The following LPAR3 variants were observed in gnomAD, a reference collection of about 807,000 sequenced individuals.
LPAR3 encodes lysophosphatidic acid receptor 3.
A neutral mutation model predicts 17.8 loss-of-function variants in LPAR3; 7 were observed. That is an observed-to-expected ratio of 0.39 (90% CI 0.22 to 0.74). The LOEUF (loss-of-function observed/expected upper bound fraction) is 0.74, where lower values mean the gene tolerates loss of function less well. Among genes scored for constraint, LPAR3 ranks in the 30% least tolerant of loss-of-function variants. The probability of loss-of-function intolerance (pLI) is 0.40; values close to 1 mark genes in which losing one functional copy is unlikely to be tolerated. For missense variants in LPAR3, 391 were observed against 453.4 expected (o/e 0.86, Z 1.25); for synonymous variants, 179 against 179.9 (o/e 0.99, Z 0.04).
At chr1:84,854,333 C>T (rs1324790333) in intron 2 of LPAR3, among the ~76,000 whole-genome samples, 1 of 152,186 alleles carries the variant, frequency 6.6e-6, no homozygotes, top group East Asian at 1.9e-4. Context: ...TCAAAGAGGC[C>T]TCCATGGACC....
At chr1:84,869,334 A>G (rs1189216133) in intron 1 of LPAR3, among the ~76,000 whole-genome samples, 2 of 152,222 alleles carry the variant, frequency 1.3e-5, no homozygotes, top group African/African-American at 4.8e-5. Context: ...GAGACATCAC[A>G]GAAAAACTAT....
chr1:84,862,440 G>A (rs1659958455), intron 2 of LPAR3, among the ~76,000 whole-genome samples: 1 of 152,228 alleles, frequency 6.6e-6, no homozygotes, highest in Admixed American at 6.5e-5. Context: ...ACAGCTGAGT[G>A]ACTGGACACA....
intron 2 of LPAR3, among the ~76,000 whole-genome samples, chr1:84,830,901 A>G (rs1355526917): frequency 6.6e-6 from 1 of 152,112 alleles, no homozygotes; most frequent in African/African-American, 2.4e-5. Context: ...CACTTTATGG[A>G]TTTACTCAAT....
Position 84,865,923 on chromosome 1 carries a change from G to A in LPAR3, c.198C>T (p.Tyr66=). 3.1e-6 allele frequency: 5 copies of A among 1,614,130 alleles called. No homozygotes were observed. The highest frequency in any genetic ancestry group is 4.2e-6 in the Non-Finnish European group (5 of 1,180,008). ...CAGCAGCTAAATTAGCCAACAGGTAGTAGAAGGGGAAATGAAATTTTCTGT... is the reference window on the plus strand; with the variant it reads ...CAGCAGCTAAATTAGCCAACAGGTAATAGAAGGGGAAATGAAATTTTCTGT... ...IKNRKFHFPF[Y]YLLANLAAAD... Residue 66 remains tyrosine (Y), a synonymous_variant, in exon 2 of 3, where the codon TAC becomes TAT. Transcript: ENST00000370611.
At chr1:84,817,075 T>A (rs1362669678) in intron 2 of LPAR3, among the ~76,000 whole-genome samples, 1 of 152,214 alleles carries the variant, frequency 6.6e-6, no homozygotes, top group African/African-American at 2.4e-5. Flanking sequence ...TATTTGTTAA[T>A]GCTGAGAATT....
At chr1:84,877,896 C>T (rs747413144) in intron 1 of LPAR3, among the ~76,000 whole-genome samples, 2 of 151,830 alleles carry the variant, frequency 1.3e-5, no homozygotes, top group Non-Finnish European at 2.9e-5. Flanking sequence ...AATCTCTGGT[C>T]GATGTGTTAG....
chr1:84,840,200 C>A (rs1659480926), intron 2 of LPAR3, among the ~76,000 whole-genome samples: 2 of 152,202 alleles, frequency 1.3e-5, no homozygotes, highest in Non-Finnish European at 2.9e-5. Context: ...GTTGGAATTA[C>A]ATGTATGAGC....
At chr1:84,818,435 T>C (rs572386992) in intron 2 of LPAR3, among the ~76,000 whole-genome samples, 1 of 152,310 alleles carries the variant, frequency 6.6e-6, no homozygotes, top group African/African-American at 2.4e-5. Flanking sequence ...ACATTAAAAA[T>C]TCACATCTAA....
intron 2 of LPAR3, among the ~76,000 whole-genome samples, chr1:84,853,122 AC>A (rs1328145102): frequency 1.9e-4 from 25 of 133,188 alleles, no homozygotes; most frequent in Admixed American, 5.3e-4. Flanking sequence ...AAAAAAAAAA[AC>A]CAAGAACAAA....
intron 2 of LPAR3, among the ~76,000 whole-genome samples, chr1:84,836,703 G>A (rs557077103): frequency 2.6e-5 from 4 of 152,224 alleles, no homozygotes; most frequent in East Asian, 1.9e-4. Context: ...AAAACAAAAC[G>A]AAATGACAGT....
intron 2 of LPAR3, among the ~76,000 whole-genome samples, chr1:84,856,018 C>A (rs1341126595): frequency 3.3e-5 from 5 of 152,172 alleles, no homozygotes; most frequent in African/African-American, 2.4e-5. Flanking sequence ...TCAGTCCCCA[C>A]GTTCCCCGTC....
chr1:84,834,271 C>A (rs1659351085), intron 2 of LPAR3, among the ~76,000 whole-genome samples: 2 of 152,090 alleles, frequency 1.3e-5, no homozygotes, highest in Admixed American at 1.3e-4. Flanking sequence ...GGCATTTAAT[C>A]AATATTTATT....
At position 84,865,748 on chromosome 1, in the gene LPAR3, C is replaced by T. The variant is rs139292595; in HGVS notation, c.373G>A (p.Val125Met). The T allele has an allele frequency of 1.6e-4, 260 of 1,614,076 alleles. No homozygotes were observed. The highest frequency in any genetic ancestry group is 2.1e-4 in the Non-Finnish European group (243 of 1,180,052). The change falls in exon 2 of 3, where the codon GTG (valine) becomes ATG (methionine). Residue 125 changes from valine to methionine, a missense_variant. Physicochemically the swap from Val to Met is conservative, Grantham distance 21. Transcript: ENST00000370611. ...CTCATGATTGACATGTGCCTCTCCA[C>T]GGCGATAACCAGCAAGTTGGTGAGG... ...ASLTNLLVIAVERHMSIMRMR... is the reference protein window; with the variant it reads ...ASLTNLLVIAMERHMSIMRMR...
intron 2 of LPAR3, among the ~76,000 whole-genome samples, chr1:84,824,491 T>A (rs1023516150): frequency 6.6e-6 from 1 of 152,268 alleles, no homozygotes; most frequent in South Asian, 2.1e-4. Flanking sequence ...ATCCCCATTA[T>A]AGTAAAATGA....
At chr1:84,855,004 T>C (rs1199931969) in intron 2 of LPAR3, among the ~76,000 whole-genome samples, 1 of 152,142 alleles carries the variant, frequency 6.6e-6, no homozygotes, top group Non-Finnish European at 1.5e-5. Flanking sequence ...AACAATCTGG[T>C]GGTGAGGGAG....
At chr1:84,843,320 G>A (rs527755310) in intron 2 of LPAR3, among the ~76,000 whole-genome samples, 9 of 152,238 alleles carry the variant, frequency 5.9e-5, no homozygotes, top group African/African-American at 2.2e-4. Context: ...AGACATCCAA[G>A]AAACTTCCCA....
chr1:84,826,031 T>C (rs963105586), intron 2 of LPAR3, among the ~76,000 whole-genome samples: 1 of 152,068 alleles, frequency 6.6e-6, no homozygotes, highest in African/African-American at 2.4e-5. Flanking sequence ...GGGTGTGCAC[T>C]AGAGAATATA....
At chr1:84,875,272 A>G (rs1353497847) in intron 1 of LPAR3, among the ~76,000 whole-genome samples, 1 of 152,228 alleles carries the variant, frequency 6.6e-6, no homozygotes, top group African/African-American at 2.4e-5. Context: ...GTACCTTGTC[A>G]TATGCAAAAA....
chr1:84,832,308 T>C (rs1413786124), intron 2 of LPAR3, among the ~76,000 whole-genome samples: 2 of 152,196 alleles, frequency 1.3e-5, no homozygotes, highest in Admixed American at 1.3e-4. Flanking sequence ...AACTCATTTA[T>C]GAATCTCTGT....
Sources: gnomAD v4.1 joint callset for allele counts (sites outside exome capture counted in the v4.1 genomes callset) on GRCh38, gnomAD v4.1.1 for gene constraint, MANE v1.5 for transcripts, NCBI Gene and HGNC (gene_info 2026-07-23, HGNC 2026-07-21) for gene names.